Variants in DOCK3 observed in about 807,000 individuals in gnomAD.
The protein encoded by DOCK3 is dedicator of cytokinesis 3, also known as dedicator of cytokinesis protein 3.
Under a neutral mutation model 265.6 loss-of-function variants are expected in DOCK3, and 60 were observed. That is an observed-to-expected ratio of 0.23 (90% confidence interval 0.18 to 0.28). The LOEUF is 0.28. DOCK3 is among the 10% of genes least tolerant of loss of function. The probability of loss-of-function intolerance (pLI) is 1.00; values close to 1 mark genes in which losing one functional copy is unlikely to be tolerated. For missense variants in DOCK3, 1,981 were observed against 2,594.3 expected, an observed-to-expected ratio of 0.76 and a Z score of 5.14; for synonymous variants, 881 against 938.0, an observed-to-expected ratio of 0.94 and a Z score of 1.11.
At chr3:51,283,669 C>G (rs1179495378) in intron 27 of DOCK3, among the ~76,000 whole-genome samples, 2 of 152,132 alleles carry the variant, frequency 1.3e-5, no homozygotes, top group Non-Finnish European at 2.9e-5. Flanking sequence ...CCTCCCCCAG[C>G]TCACCCTAGT....
At chr3:50,741,920 A>G (rs1332842223) in intron 1 of DOCK3, among the ~76,000 whole-genome samples, 2 of 152,104 alleles carry the variant, frequency 1.3e-5, no homozygotes, top group Non-Finnish European at 2.9e-5. Flanking sequence ...ATTTCTCCAC[A>G]TCCTCTCCAG....
intron 51 of DOCK3, 66 bp from the exon 52 acceptor site, chr3:51,380,059 A>T: frequency 6.7e-7 from 1 of 1,488,242 alleles, no homozygotes; most frequent in East Asian, 2.3e-5. Context: ...TGGCCCAGCA[A>T]GATGGTGCTG....
Position 51,228,644 on chromosome 3 carries a change from T to C in DOCK3, c.1648-17T>C, listed in dbSNP as rs1576468834. 6.2e-7 allele frequency: 1 copy of C among 1,605,232 alleles called. No homozygotes were observed. The highest frequency in any genetic ancestry group is 2.2e-5 in the East Asian group (1 of 44,746). Reference sequence around the variant, plus strand: ...GCATGGCTCAGGGGACATTTTTTTCTCCATTTTTGCCTACAGTGTGATGAG... The same window carrying C: ...GCATGGCTCAGGGGACATTTTTTTCCCCATTTTTGCCTACAGTGTGATGAG... On this transcript the variant is annotated splice_polypyrimidine_tract_variant and intron_variant, in intron 17 of 52. Transcript: ENST00000266037.
intron 12 of DOCK3, among the ~76,000 whole-genome samples, chr3:51,161,336 C>T (rs568951542): frequency 2.0e-5 from 3 of 151,294 alleles, no homozygotes; most frequent in East Asian, 2.0e-4. Context: ...CCCAGCTACT[C>T]GGGAGGCTGA....
At chr3:50,771,767 C>T (rs957217943) in intron 1 of DOCK3, among the ~76,000 whole-genome samples, 11 of 152,156 alleles carry the variant, frequency 7.2e-5, no homozygotes, top group African/African-American at 9.7e-5. Context: ...AGGAGAATGG[C>T]GTGAACCCGG....
chr3:51,238,024 A>G (rs2078424850), intron 21 of DOCK3, among the ~76,000 whole-genome samples: 1 of 150,072 alleles, frequency 6.7e-6, no homozygotes, highest in Non-Finnish European at 1.5e-5. Flanking sequence ...TATTTCACTC[A>G]GCATAATGTC....
chr3:50,846,041 G>A (rs2046062767), intron 3 of DOCK3, among the ~76,000 whole-genome samples: 1 of 152,152 alleles, frequency 6.6e-6, no homozygotes, highest in African/African-American at 2.4e-5. Context: ...ATATGAAACC[G>A]TTATTGCAGT....
At chr3:50,697,397 C>T (rs2035699807) in intron 1 of DOCK3, among the ~76,000 whole-genome samples, 1 of 151,942 alleles carries the variant, frequency 6.6e-6, no homozygotes, top group African/African-American at 2.4e-5. Context: ...CGAGGCCAGC[C>T]TGGCCAAAAT....
intron 27 of DOCK3, among the ~76,000 whole-genome samples, chr3:51,308,874 GC>G (rs1475171520): frequency 4.0e-5 from 6 of 151,240 alleles, no homozygotes; most frequent in African/African-American, 1.5e-4. Flanking sequence ...AGACGGGGCG[GC>G]TGCCGGGCGG....
chr3:50,736,849 A>G (rs1183854595), intron 1 of DOCK3, among the ~76,000 whole-genome samples: 1 of 150,698 alleles, frequency 6.6e-6, no homozygotes, highest in Non-Finnish European at 1.5e-5. Context: ...GGTGCCCACC[A>G]CCATGCCCGG....
At chr3:51,233,547 T>G (rs2078228988) in intron 19 of DOCK3, among the ~76,000 whole-genome samples, 1 of 152,048 alleles carries the variant, frequency 6.6e-6, no homozygotes, top group Non-Finnish European at 1.5e-5. Flanking sequence ...TTTTGTATTT[T>G]TAGTAGAGAC....
intron 12 of DOCK3, among the ~76,000 whole-genome samples, chr3:51,197,990 C>A (rs192650884): frequency 1.6e-4 from 24 of 152,224 alleles, no homozygotes; most frequent in Admixed American, 2.6e-4. Context: ...TCAGCACCAA[C>A]AGCTTCACCC....
chr3:51,309,752 C>T (rs898042843), intron 27 of DOCK3, among the ~76,000 whole-genome samples: 1 of 152,368 alleles, frequency 6.6e-6, no homozygotes, highest in African/African-American at 2.4e-5. Flanking sequence ...GTATTAGCCA[C>T]CCCATTGCTT....
At chr3:51,367,376 A>G (rs1327741725) in intron 49 of DOCK3, among the ~76,000 whole-genome samples, 1 of 151,946 alleles carries the variant, frequency 6.6e-6, no homozygotes, top group Non-Finnish European at 1.5e-5. Context: ...TTTTGAGCCT[A>G]TGTGTGTTTC....
At chr3:50,878,274 T>A (rs999299064) in intron 3 of DOCK3, among the ~76,000 whole-genome samples, 2 of 152,156 alleles carry the variant, frequency 1.3e-5, no homozygotes, top group African/African-American at 4.8e-5. Flanking sequence ...GGAAGGAGAA[T>A]GACTTTGATG....
At chr3:51,036,938 T>C (rs887722662) in intron 5 of DOCK3, among the ~76,000 whole-genome samples, 3 of 152,178 alleles carry the variant, frequency 2.0e-5, no homozygotes, top group Non-Finnish European at 4.4e-5. Flanking sequence ...TGTGACTTGC[T>C]CCTCCTTGCC....
intron 5 of DOCK3, among the ~76,000 whole-genome samples, chr3:50,967,968 A>G (rs2077082443): frequency 6.6e-6 from 1 of 152,214 alleles, no homozygotes; most frequent in Admixed American, 6.5e-5. Flanking sequence ...ACTGTTTTCC[A>G]TAATGGCTGT....
intron 19 of DOCK3, among the ~76,000 whole-genome samples, chr3:51,232,126 T>C (rs975610532): frequency 6.6e-6 from 1 of 152,126 alleles, no homozygotes; most frequent in Non-Finnish European, 1.5e-5. Flanking sequence ...ATTGTTACAC[T>C]CTCTTTTTTA....
intron 3 of DOCK3, among the ~76,000 whole-genome samples, chr3:50,847,808 C>T (rs1263165867): frequency 7.0e-6 from 1 of 142,010 alleles, no homozygotes; most frequent in East Asian, 2.1e-4. Context: ...TGCTTGAACC[C>T]AGAGGCAGAG....
Sources: gnomAD v4.1 joint callset for allele counts (sites outside exome capture counted in the v4.1 genomes callset) on GRCh38, gnomAD v4.1.1 for gene constraint, MANE v1.5 for transcripts, NCBI Gene and HGNC (gene_info 2026-07-23, HGNC 2026-07-21) for gene names.